The following SLC28A3 variants were observed in gnomAD, a reference collection of about 807,000 sequenced individuals.
The protein encoded by SLC28A3 is solute carrier family 28 member 3.
SLC28A3 carries 68 observed loss-of-function variants against 84.2 expected under a neutral mutation model. The observed-to-expected ratio is 0.81, with a 90% CI of 0.66 to 0.99. The LOEUF is 0.99. SLC28A3 is among the 50% of genes least tolerant of loss of function. The probability of loss-of-function intolerance (pLI) is 0.00; values close to 1 mark genes in which losing one functional copy is unlikely to be tolerated. For synonymous variants in SLC28A3, 267 were observed against 303.6 expected, an observed-to-expected ratio of 0.88 and a Z score of 1.25; for missense variants, 712 against 841.5, an observed-to-expected ratio of 0.85 and a Z score of 1.90.
At chr9:84,356,018 C>T in the SLC28A3 span, among the ~76,000 whole-genome samples, 32 of 152,050 alleles carry the variant, frequency 2.1e-4, no homozygotes, top group Non-Finnish European at 4.3e-4. Context: ...GGGGTTTCAC[C>T]ATATTGTCCA....
rs775527963 is a variant in SLC28A3 at position 84,294,316 on chromosome 9, G to C, written c.862-41C>G. The C allele has an allele frequency of 1.3e-5, 21 of 1,598,002 alleles. 1 individual carries two copies. Among genetic ancestry groups the C allele is most frequent in the South Asian group, 5.5e-5 (5 of 90,530 alleles). ...CAAACATGGATTAATGATGGGTCCA[G>C]CTGCACCAGCAGGTTTTATATCAGG... On this transcript the variant is annotated intron_variant, in intron 8 of 17. Transcript: ENST00000376238.
intron 1 of SLC28A3, 33 bp from the exon 2 acceptor site, chr9:84,313,487 A>G: frequency 6.4e-7 from 1 of 1,567,808 alleles, no homozygotes; most frequent in South Asian, 1.1e-5. Context: ...AAAAATAAAA[A>G]GTTACAGCCA....
intron 3 of SLC28A3, among the ~76,000 whole-genome samples, chr9:84,308,876 C>T (rs1014756954): frequency 4.6e-5 from 7 of 152,112 alleles, no homozygotes; most frequent in Non-Finnish European, 8.8e-5. Flanking sequence ...TCCTACCTTA[C>T]GGAGTTGTAA....
Position 84,304,698 on chromosome 9 carries a change from A to G in SLC28A3, c.334+556T>C, listed in dbSNP as rs73482450. On this transcript the variant is annotated intron_variant, in intron 4 of 17. Coordinates refer to ENST00000376238, the MANE Select transcript of SLC28A3 (RefSeq NM_001199633.2). ...AATCCACCTGACAATAACAAAGGCTATAAGAATGAGGAGAGTAAGTGAGTC... is the reference window on the plus strand; with the variant it reads ...AATCCACCTGACAATAACAAAGGCTGTAAGAATGAGGAGAGTAAGTGAGTC... 5.4e-3 allele frequency among the ~76,000 whole-genome samples: 827 copies of G among 152,274 alleles called. 5 individuals are homozygous for G. The highest frequency in any genetic ancestry group is 0.019 in the African/African-American group (789 of 41,570).
At chr9:84,310,392 G>C in intron 2 of SLC28A3, 1 of 985,036 alleles carries the variant, frequency 1.0e-6, no homozygotes, top group Non-Finnish European at 1.2e-6. Context: ...CTATTTCCAG[G>C]ATGGCAGAGG....
intron 2 of SLC28A3, among the ~76,000 whole-genome samples, chr9:84,311,793 C>G (rs1021479554): frequency 2.0e-5 from 3 of 152,168 alleles, no homozygotes; most frequent in African/African-American, 7.2e-5. Context: ...GAGGTGGAGA[C>G]TGCAGTGAGC....
intron 1 of SLC28A3, among the ~76,000 whole-genome samples, chr9:84,328,261 C>A (rs1045813621): frequency 6.6e-6 from 1 of 150,812 alleles, no homozygotes; most frequent in Non-Finnish European, 1.5e-5. Context: ...ATGGATTATA[C>A]CCTTTAATTA....
At chr9:84,300,433 G>A (rs899552816) in intron 5 of SLC28A3, among the ~76,000 whole-genome samples, 2 of 152,170 alleles carry the variant, frequency 1.3e-5, no homozygotes, top group Non-Finnish European at 2.9e-5. Context: ...TGCCCTTGGG[G>A]GACCTCACCA....
Position 84,280,019 on chromosome 9 carries a change from A to G in SLC28A3, c.1784T>C (p.Leu595Pro), listed in dbSNP as rs1325894006. The change falls in exon 16 of 18, where the codon CTG becomes CCG. Residue 595 changes from leucine to proline, a missense_variant. By Grantham distance (98) the Leu-to-Pro change is moderately conservative. Transcript: ENST00000376238. ...RDIASGAVRA[L>P]IAGTVACFMT... is the part of the protein sequence containing the mutation. ...GAAGCAGGCCACGGTCCCCGCAATC[A>G]GAGCTCTCACTGCCCCCGAGGCGAT... 6.2e-7 allele frequency: 1 copy of G among 1,614,054 alleles called. No homozygotes were observed. The highest frequency in any genetic ancestry group is 8.5e-7 in the Non-Finnish European group (1 of 1,180,010).
intron 5 of SLC28A3, among the ~76,000 whole-genome samples, chr9:84,300,639 G>A (rs543927661): frequency 2.1e-4 from 32 of 152,300 alleles, no homozygotes; most frequent in African/African-American, 7.7e-4. Context: ...TAGTCTTGAG[G>A]GAGAGAACTG....
intron 3 of SLC28A3, 118 bp from the exon 4 acceptor site, chr9:84,305,463 G>A: frequency 1.3e-6 from 1 of 795,894 alleles, no homozygotes. Context: ...CATGTGTGAG[G>A]CGTATGTCTT....
At chr9:84,278,629 C>CTGAT in intron 17 of SLC28A3, among the ~76,000 whole-genome samples, 1 of 152,132 alleles carries the variant, frequency 6.6e-6, no homozygotes, top group East Asian at 1.9e-4. Flanking sequence ...TGTGGGAACA[C>CTGAT]TGATTTTGCA....
At chr9:84,279,044 AG>A (rs1233270579) in intron 17 of SLC28A3, among the ~76,000 whole-genome samples, 1 of 152,072 alleles carries the variant, frequency 6.6e-6, no homozygotes, top group Non-Finnish European at 1.5e-5. Context: ...TCAGAGTGAA[AG>A]GTGGTTAGAA....
chr9:84,355,846 C>T, the SLC28A3 span, among the ~76,000 whole-genome samples: 1 of 152,066 alleles, frequency 6.6e-6, no homozygotes, highest in South Asian at 2.1e-4. Flanking sequence ...AAGGTTCTTA[C>T]TCTGTCACCC....
intron 1 of SLC28A3, among the ~76,000 whole-genome samples, chr9:84,333,203 A>C (rs746541059): frequency 6.6e-6 from 1 of 152,198 alleles, no homozygotes; most frequent in Non-Finnish European, 1.5e-5. Flanking sequence ...GGGGTAGGGG[A>C]ACAATCAGAT....
intron 2 of SLC28A3, among the ~76,000 whole-genome samples, chr9:84,312,577 C>T (rs564348573): frequency 2.8e-5 from 4 of 143,424 alleles, no homozygotes; most frequent in African/African-American, 5.3e-5. Flanking sequence ...CTCGCTCTGT[C>T]GCCCAGGCTG....
In SLC28A3 at chr9:84,309,872, T is replaced by C. The variant is rs188101227; in HGVS notation, c.157-158A>G. Among the ~76,000 whole-genome samples the C allele has an allele frequency of 9.2e-5, 14 of 152,278 alleles. No individual in the cohort carries two copies. In the East Asian group the frequency reaches 2.7e-3, roughly 29 times the overall value. Reference sequence around the variant, plus strand: ...CCTATTATCTACTGCACAGACATTTTTTTTCCCGGCTTATAATCTCACACA... The same window carrying C: ...CCTATTATCTACTGCACAGACATTTCTTTTCCCGGCTTATAATCTCACACA... On this transcript the variant is annotated intron_variant, in intron 2 of 17. Transcript: ENST00000376238.
At chr9:84,299,967 A>G (rs1825564350) in intron 5 of SLC28A3, among the ~76,000 whole-genome samples, 1 of 151,854 alleles carries the variant, frequency 6.6e-6, no homozygotes, top group Non-Finnish European at 1.5e-5. Flanking sequence ...TAATTTTTGT[A>G]TTTTTAGTAG....
At chr9:84,322,802 C>T (rs1826420803) in intron 1 of SLC28A3, among the ~76,000 whole-genome samples, 1 of 151,954 alleles carries the variant, frequency 6.6e-6, no homozygotes, top group Admixed American at 6.6e-5. Flanking sequence ...TTGTCCACTG[C>T]ACTCCAGCCT....
Sources: allele counts gnomAD v4.1 joint callset (sites outside exome capture counted in the v4.1 genomes callset), GRCh38; gene constraint gnomAD v4.1.1; transcripts MANE v1.5; gene names NCBI Gene and HGNC (gene_info 2026-07-23, HGNC 2026-07-21).